The following DNAH10 variants were observed in gnomAD, a reference collection of about 807,000 sequenced individuals.
DNAH10 encodes axonemal beta dynein heavy chain 10.
In DNAH10, 348 loss-of-function variants were observed where a neutral mutation model predicts 506.6. That is an observed-to-expected ratio of 0.69 (90% confidence interval 0.63 to 0.75). The LOEUF is 0.75. Ranked by LOEUF, DNAH10 falls within the 30% of genes least tolerant of loss-of-function variation. The pLI, the probability that DNAH10 is intolerant of heterozygous loss-of-function variation, is 0.00. For missense variants in DNAH10, 5,179 were observed against 5,787.1 expected, an observed-to-expected ratio of 0.89 and a Z score of 3.41; for synonymous variants, 2,059 against 2,198.6, an observed-to-expected ratio of 0.94 and a Z score of 1.78.
At chr12:123,885,332 C>T (rs780371761) in intron 51 of DNAH10, among the ~76,000 whole-genome samples, 5 of 152,292 alleles carry the variant, frequency 3.3e-5, no homozygotes, top group South Asian at 2.1e-4. Flanking sequence ...TCTTTGGAAG[C>T]GTTGGACAGT....
rs773489271 is a variant in DNAH10 at position 123,783,970 on chromosome 12, T to G, written c.1023T>G (p.Ile341Met). Residue 341 changes from isoleucine (I) to methionine (M), a missense_variant, in exon 8 of 79, where the codon ATT (isoleucine) becomes ATG (methionine). Coordinates refer to ENST00000673944, the MANE Select transcript of DNAH10 (RefSeq NM_001372106.1). ...TPQGKGPLAE[I>M]EFWRERNATL... The stretch of plus-strand genomic sequence containing the variant: ...AGGGTAAAGGCCCTCTGGCTGAAAT[T>G]GAATTCTGGAGGGAAAGAAATGCAA... 4.3e-6 allele frequency: 7 copies of G among 1,614,214 alleles called. No homozygotes were observed. In the Admixed American group the frequency reaches 5.0e-5, roughly 12 times the overall value.
intron 54 of DNAH10, among the ~76,000 whole-genome samples, chr12:123,896,998 C>A (rs1198923045): frequency 6.6e-6 from 1 of 152,184 alleles, no homozygotes; most frequent in Non-Finnish European, 1.5e-5. Context: ...TAAACACGAA[C>A]TCCCCATCGC....
At position 123,767,833 on chromosome 12, in the gene DNAH10, C is replaced by T. The variant is rs184828024; in HGVS notation, c.298+144C>T. ...GAGAAAGTGCTGGGTCATGAATAGACGGATGTAGTAGTTTCCCACGGCTGC... is the reference window on the plus strand; with the variant it reads ...GAGAAAGTGCTGGGTCATGAATAGATGGATGTAGTAGTTTCCCACGGCTGC... On this transcript the variant is annotated intron_variant, in intron 2 of 78. Coordinates refer to ENST00000673944, the MANE Select transcript of DNAH10 (RefSeq NM_001372106.1). 62 of 701,590 alleles carry T rather than the reference C, an allele frequency of 8.8e-5. No individual in the cohort carries two copies. In the East Asian group the frequency reaches 1.3e-3, roughly 15 times the overall value. 43.5% of individuals were successfully genotyped at this position (701,590 alleles called of 1,614,324 possible). A position where few individuals can be genotyped will look rare whatever the true frequency, so the allele number is the denominator to read the frequency against.
chr12:123,817,099 C>CTTTTTT (rs755698934), intron 21 of DNAH10, among the ~76,000 whole-genome samples: 1 of 87,032 alleles, frequency 1.1e-5, no homozygotes, highest in Non-Finnish European at 2.3e-5. Context: ...TCCAGTCTAA[C>CTTTTTT]TTTTTTTTTT....
chr12:123,806,169 C>T (rs568576237), intron 18 of DNAH10, among the ~76,000 whole-genome samples: 11 of 152,308 alleles, frequency 7.2e-5, no homozygotes, highest in African/African-American at 2.4e-4. Context: ...AACTTCATAG[C>T]TTTCCCTTTC....
intron 30 of DNAH10, 69 bp downstream of exon 30, chr12:123,841,614 C>T (rs1213173026): frequency 2.0e-6 from 3 of 1,464,450 alleles, no homozygotes; most frequent in African/African-American, 1.4e-5. Context: ...ATTTTAAAGG[C>T]TTGGAGTAGA....
At chr12:123,854,147 A>G (rs917271777) in intron 36 of DNAH10, among the ~76,000 whole-genome samples, 5 of 148,260 alleles carry the variant, frequency 3.4e-5, no homozygotes, top group African/African-American at 1.0e-4. Flanking sequence ...TGTAAAATGT[A>G]AAACACTATA....
At chr12:123,858,605 G>A (rs1006257282) in intron 37 of DNAH10, among the ~76,000 whole-genome samples, 19 of 152,268 alleles carry the variant, frequency 1.2e-4, no homozygotes, top group Admixed American at 3.3e-4. Flanking sequence ...GAATGAGGAC[G>A]AACGTCCGCT....
chr12:123,928,131 A>T lies in DNAH10; in HGVS notation c.12106-256A>T, dbSNP rs946795140. 3 of 572,520 alleles carry T rather than the reference A, an allele frequency of 5.2e-6. No individual in the cohort carries two copies. Among genetic ancestry groups the T allele is most frequent in the Admixed American group, 3.1e-5 (1 of 32,418 alleles). 35.5% of individuals were successfully genotyped at this position (572,520 alleles called of 1,614,324 possible). A position where few individuals can be genotyped will look rare whatever the true frequency, so the allele number is the denominator to read the frequency against. ...GGGAGGAGCTGGGACTTCCAGGGCC[A>T]GGGAGGCAGATGAGTGCAAAATGCT... On this transcript the variant is annotated intron_variant, in intron 69 of 78. Transcript: ENST00000673944. This position sits in a 1 kb window ranked among gnomAD's most constrained non-coding sequence, Gnocchi z 4.9.
rs1252206874 is a variant in DNAH10 at position 123,835,616 on chromosome 12, C to CA, written c.4902+89dup. ...TTTTATTTGCACATTGTATTTTCTC[C>CA]ATTAGTAGCTTCTCTCTCATTTTTT... On this transcript the variant is annotated intron_variant, in intron 28 of 78. Transcript: ENST00000673944. 8.7e-6 allele frequency: 13 copies of CA among 1,488,050 alleles called. No individual in the cohort carries two copies. The African/African-American group carries it at 1.8e-4, about 21-fold the overall frequency. 92.2% of individuals were successfully genotyped at this position (1,488,050 alleles called of 1,614,324 possible). A position where few individuals can be genotyped will look rare whatever the true frequency, so the allele number is the denominator to read the frequency against.
chr12:123,852,203 G>A (rs555114187), intron 35 of DNAH10, among the ~76,000 whole-genome samples: 2 of 152,312 alleles, frequency 1.3e-5, no homozygotes, highest in South Asian at 2.1e-4. Flanking sequence ...GGAACCCTTT[G>A]AGACGGGCTT....
chr12:123,882,558 C>T (rs1182157455), intron 51 of DNAH10, among the ~76,000 whole-genome samples: 2 of 151,966 alleles, frequency 1.3e-5, no homozygotes, highest in Non-Finnish European at 2.9e-5. Flanking sequence ...TTTGGGAGGC[C>T]AAGGCGGGTG....
intron 24 of DNAH10, among the ~76,000 whole-genome samples, chr12:123,824,932 G>A (rs909488657): frequency 4.6e-5 from 7 of 152,232 alleles, no homozygotes; most frequent in South Asian, 2.1e-4. Context: ...TTTGGGGGAC[G>A]CTATTCAGCC....
chr12:123,915,979 T>C (rs1009384500), intron 62 of DNAH10, among the ~76,000 whole-genome samples: 10 of 152,224 alleles, frequency 6.6e-5, no homozygotes, highest in African/African-American at 1.9e-4. Flanking sequence ...TTTTTTCTGG[T>C]CCTTGATCTC....
chr12:123,910,780 C>G, intron 59 of DNAH10, 108 bp downstream of exon 59: 3 of 1,412,212 alleles, frequency 2.1e-6, no homozygotes, highest in Non-Finnish European at 2.8e-6. Context: ...GTTCTGACTT[C>G]AAGCTGCATA....
chr12:123,789,801 G>T lies in DNAH10; in HGVS notation c.1621-126G>T, dbSNP rs959360438. ...GCATCGTACCGAAGGGCTTAGTCCGGGAGGAGGTTACTGTGTGACATGATT... is the reference window on the plus strand; with the variant it reads ...GCATCGTACCGAAGGGCTTAGTCCGTGAGGAGGTTACTGTGTGACATGATT... On this transcript the variant is annotated intron_variant, in intron 10 of 78. Transcript: ENST00000673944. 4.5e-5 allele frequency: 39 copies of T among 859,368 alleles called. 1 individual carries two copies. The highest frequency in any genetic ancestry group is 3.1e-4 in the Middle Eastern group (1 of 3,262). 53.2% of individuals were successfully genotyped at this position (859,368 alleles called of 1,614,324 possible).
rs1951596005 is a variant in DNAH10, at chr12:123,861,154, G to A, written c.6892G>A (p.Asp2298Asn). The A allele has an allele frequency of 6.2e-7, 1 of 1,613,774 alleles. No individual in the cohort carries two copies. Among genetic ancestry groups the A allele is most frequent in the African/African-American group, 1.3e-5 (1 of 74,906 alleles). ...CTTCAGGGAAATCAACAAGCCAACA[G>A]ACAAGAAGGAGCGAAAGTGAGTATC... is the stretch of plus-strand genomic sequence containing the variant. ...NIFREINKPT[D>N]KKERKYILFD... is the part of the protein sequence containing the mutation. Residue 2298 changes from aspartate (D) to asparagine (N), a missense_variant, in exon 39 of 79, where the codon GAC (aspartate) becomes AAC (asparagine). By Grantham distance (23) the Asp-to-Asn change is conservative. This residue lies in a region of DNAH10 where 4,844 missense variants were observed against 5,430.5 expected (regional missense o/e 0.89). Coordinates refer to ENST00000673944, the MANE Select transcript of DNAH10 (RefSeq NM_001372106.1).
At chr12:123,786,015 G>A in intron 9 of DNAH10, 79 bp downstream of exon 9, 3 of 1,402,500 alleles carry the variant, frequency 2.1e-6, no homozygotes, top group Non-Finnish European at 2.9e-6. Flanking sequence ...GCTCTATTGA[G>A]CTATAATTCA....
At chr12:123,790,823 A>G (rs1958051626) in intron 11 of DNAH10, among the ~76,000 whole-genome samples, 1 of 152,126 alleles carries the variant, frequency 6.6e-6, no homozygotes, top group Non-Finnish European at 1.5e-5. Context: ...TGACCAAGGA[A>G]TGATATAGCC....
Sources: allele counts gnomAD v4.1 joint callset (sites outside exome capture counted in the v4.1 genomes callset), GRCh38; gene constraint gnomAD v4.1.1; regional missense constraint gnomAD v4.1.1; non-coding constraint Gnocchi (gnomAD v3.1); transcripts MANE v1.5; gene names NCBI Gene and HGNC (gene_info 2026-07-23, HGNC 2026-07-21).